The following SCFD2 variants were observed in gnomAD, a reference collection of about 807,000 sequenced individuals.
SCFD2 encodes the protein sec1 family domain containing 2.
Under a neutral mutation model 58.9 loss-of-function variants are expected in SCFD2, and 54 were observed. The observed-to-expected ratio is 0.92, with a 90% CI of 0.74 to 1.15. The LOEUF is 1.15. Ranked by LOEUF, SCFD2 falls within the 50% of genes most tolerant of loss-of-function variation. The probability of loss-of-function intolerance (pLI) is 0.00; values close to 1 mark genes in which losing one functional copy is unlikely to be tolerated. For missense variants in SCFD2, 805 were observed against 836.6 expected (o/e 0.96, Z 0.47); for synonymous variants, 321 against 335.9 (o/e 0.96, Z 0.49).
At chr4:53,238,035 G>T (rs533130619) in intron 4 of SCFD2, among the ~76,000 whole-genome samples, 2 of 140,506 alleles carry the variant, frequency 1.4e-5, no homozygotes, top group Admixed American at 6.9e-5. Flanking sequence ...AAGATGGGGT[G>T]GCTGGCCGGG....
intron 5 of SCFD2, among the ~76,000 whole-genome samples, chr4:53,118,869 T>C (rs1199403421): frequency 6.6e-6 from 1 of 152,208 alleles, no homozygotes; most frequent in Admixed American, 6.5e-5. Context: ...TAAAAGGCTT[T>C]TGTTTCAGTG....
At chr4:53,151,792 T>C (rs1184861253) in intron 4 of SCFD2, among the ~76,000 whole-genome samples, 1 of 152,244 alleles carries the variant, frequency 6.6e-6, no homozygotes, top group African/African-American at 2.4e-5. Flanking sequence ...CTCACAGTTC[T>C]GCAGGTTGTA....
At chr4:53,312,005 G>C (rs1209571973) in intron 3 of SCFD2, among the ~76,000 whole-genome samples, 2 of 152,028 alleles carry the variant, frequency 1.3e-5, no homozygotes, top group Non-Finnish European at 2.9e-5. Context: ...AAATACACTT[G>C]TTACTAATGT....
chr4:52,973,438 C>T (rs1238597421), intron 5 of SCFD2, among the ~76,000 whole-genome samples: 3 of 152,094 alleles, frequency 2.0e-5, no homozygotes, highest in Non-Finnish European at 4.4e-5. Flanking sequence ...ATAAATTCCT[C>T]GACACATACA....
chr4:53,342,308 C>T (rs1183300539), intron 2 of SCFD2, among the ~76,000 whole-genome samples: 2 of 152,068 alleles, frequency 1.3e-5, no homozygotes, highest in African/African-American at 2.4e-5. Context: ...AGTTGCAATC[C>T]TAGTCTTGGA....
intron 1 of SCFD2, 79 bp from the exon 2 acceptor site, chr4:53,352,845 T>G: frequency 8.2e-7 from 1 of 1,213,730 alleles, no homozygotes; most frequent in South Asian, 1.3e-5. Context: ...ATCACACACC[T>G]TCTATCAAAA....
chr4:53,081,477 C>G (rs1487954323), intron 5 of SCFD2, among the ~76,000 whole-genome samples: 4 of 152,122 alleles, frequency 2.6e-5, no homozygotes, highest in Non-Finnish European at 5.9e-5. Flanking sequence ...TTAGCTCCCA[C>G]TTATAAGTGA....
At chr4:53,263,084 T>C (rs376748728) in intron 4 of SCFD2, among the ~76,000 whole-genome samples, 2 of 152,094 alleles carry the variant, frequency 1.3e-5, no homozygotes, top group Admixed American at 1.3e-4. Flanking sequence ...TCTAAGTGTG[T>C]CTTTGATTTC....
intron 4 of SCFD2, among the ~76,000 whole-genome samples, chr4:53,199,811 T>C (rs571338721): frequency 3.9e-5 from 6 of 152,098 alleles, no homozygotes; most frequent in Non-Finnish European, 7.4e-5. Context: ...TTTTCTCAGT[T>C]TTAGAAGCTG....
intron 4 of SCFD2, among the ~76,000 whole-genome samples, chr4:53,222,724 G>A (rs1295987851): frequency 1.3e-5 from 2 of 151,896 alleles, no homozygotes; most frequent in East Asian, 3.9e-4. Context: ...TCAGAGATAT[G>A]TCAAAACATC....
At chr4:53,262,795 G>C (rs1470634131) in intron 4 of SCFD2, among the ~76,000 whole-genome samples, 7 of 152,152 alleles carry the variant, frequency 4.6e-5, no homozygotes, top group Non-Finnish European at 1.0e-4. Context: ...TGGATGTCTA[G>C]ATCTGTAGCC....
At chr4:52,947,309 G>A (rs1383355114) in intron 5 of SCFD2, among the ~76,000 whole-genome samples, 3 of 152,158 alleles carry the variant, frequency 2.0e-5, no homozygotes, top group African/African-American at 7.2e-5. Flanking sequence ...GCGAGCTCCG[G>A]CCTTCATAGG....
At chr4:53,241,652 T>A (rs1577885040) in intron 4 of SCFD2, among the ~76,000 whole-genome samples, 1 of 152,144 alleles carries the variant, frequency 6.6e-6, no homozygotes, top group Non-Finnish European at 1.5e-5. Flanking sequence ...TGCCAGCACA[T>A]GTGTGCACAG....
chr4:53,160,197 T>A (rs1726811703), intron 4 of SCFD2, among the ~76,000 whole-genome samples: 1 of 152,226 alleles, frequency 6.6e-6, no homozygotes, highest in Non-Finnish European at 1.5e-5. Flanking sequence ...GGCCCATTGT[T>A]AGAACTTCTG....
In SCFD2 at chr4:53,252,594, G is replaced by C. The variant is rs539434844; in HGVS notation, c.1311+21232C>G. Among the ~76,000 whole-genome samples, 8 of 151,484 alleles carry C rather than the reference G, an allele frequency of 5.3e-5. No individual in the cohort carries two copies. The South Asian group carries it at 1.1e-3, about 20-fold the overall frequency. On this transcript the variant is annotated intron_variant, in intron 4 of 8. Transcript: ENST00000401642. Reference sequence around the variant, plus strand: ...GAAATAACACCGCATATCTACAACTGTCTGATCTTTGACAATCCTGAGAAA... The same window carrying C: ...GAAATAACACCGCATATCTACAACTCTCTGATCTTTGACAATCCTGAGAAA...
intron 3 of SCFD2, among the ~76,000 whole-genome samples, chr4:53,283,198 A>G (rs1731559501): frequency 6.6e-6 from 1 of 152,208 alleles, no homozygotes; most frequent in Non-Finnish European, 1.5e-5. Context: ...CTAAAGGTAA[A>G]CACAACAGAC....
At chr4:53,284,668 G>A (rs1188625290) in intron 3 of SCFD2, among the ~76,000 whole-genome samples, 2 of 152,122 alleles carry the variant, frequency 1.3e-5, no homozygotes, top group African/African-American at 4.8e-5. Flanking sequence ...TTACCTCAAT[G>A]GGGTTTAAAC....
At chr4:53,091,174 T>A (rs1000326600) in intron 5 of SCFD2, among the ~76,000 whole-genome samples, 1 of 152,164 alleles carries the variant, frequency 6.6e-6, no homozygotes, top group African/African-American at 2.4e-5. Flanking sequence ...TTTAAATCTA[T>A]GGGCTGAAGA....
At chr4:53,273,650 A>G in intron 4 of SCFD2, 176 bp downstream of exon 4, 4 of 542,574 alleles carry the variant, frequency 7.4e-6, no homozygotes, top group Admixed American at 7.7e-5. Flanking sequence ...TTTTTTTTAA[A>G]CAGGTGTGAA....
Sources: gnomAD v4.1 joint callset for allele counts (sites outside exome capture counted in the v4.1 genomes callset) on GRCh38, gnomAD v4.1.1 for gene constraint, MANE v1.5 for transcripts, NCBI Gene and HGNC (gene_info 2026-07-23, HGNC 2026-07-21) for gene names.